The following CAGE1 variants were observed in gnomAD, a reference collection of about 807,000 sequenced individuals.
The protein encoded by CAGE1 is cancer antigen 1.
Under a neutral mutation model 94.9 loss-of-function variants are expected in CAGE1, and 66 were observed. The ratio of observed to expected loss-of-function variants is 0.70; its 90% CI spans 0.57 to 0.85. The LOEUF (loss-of-function observed/expected upper bound fraction) is 0.85, where lower values mean the gene tolerates loss of function less well. Ranked by LOEUF, CAGE1 falls within the 40% of genes least tolerant of loss-of-function variation. The pLI is 0.00. For synonymous variants in CAGE1, 319 were observed against 321.0 expected (o/e 0.99, Z 0.07); for missense variants, 865 against 950.4 (o/e 0.91, Z 1.18).
chr6:7,345,472 GAC>G (rs1759443453), intron 11 of CAGE1, among the ~76,000 whole-genome samples: 11 of 152,288 alleles, frequency 7.2e-5, no homozygotes, highest in Admixed American at 7.2e-4. Flanking sequence ...CCCAAGTCCA[GAC>G]ACAAAATGGC....
In CAGE1 at chr6:7,385,803, G is replaced by A. The variant is rs1162767904; in HGVS notation, c.265C>T (p.Leu89=). The change falls in exon 3 of 14, where the codon CTA becomes TTA. Residue 89 remains leucine, a synonymous_variant. Transcript: ENST00000502583. The part of the protein sequence containing the change: ...STLCEDAYGT[L]DNLLNDNNIE... ...TACTTACCATTTAACAAATTGTCTA[G>A]TGTGCCATAAGCATCTTCACAAAGT... The A allele has an allele frequency of 3.2e-6, 5 of 1,539,730 alleles. No individual in the cohort carries two copies. Among genetic ancestry groups the A allele is most frequent in the Non-Finnish European group, 4.4e-6 (5 of 1,141,848 alleles).
At chr6:7,351,582 A>G (rs1341501800) in intron 11 of CAGE1, among the ~76,000 whole-genome samples, 1 of 150,716 alleles carries the variant, frequency 6.6e-6, no homozygotes, top group African/African-American at 2.4e-5. Context: ...AGAAAAAAAA[A>G]AAAAACTACA....
In CAGE1 at chr6:7,374,142, T is replaced by C. The variant is rs1375633658; in HGVS notation, c.688-11A>G. The C allele has an allele frequency of 5.6e-6, 9 of 1,596,402 alleles. No homozygotes were observed. Among genetic ancestry groups the C allele is most frequent in the African/African-American group, 2.7e-5 (2 of 74,492 alleles). On this transcript the variant is annotated splice_polypyrimidine_tract_variant and intron_variant, in intron 4 of 13. Transcript: ENST00000502583. ...TGAAGGAACTGCAGTCTGTAAATTATAGTAAACAAAGTAAGTGTGAACGAG... is the reference window on the plus strand; with the variant it reads ...TGAAGGAACTGCAGTCTGTAAATTACAGTAAACAAAGTAAGTGTGAACGAG...
At chr6:7,369,871 G>C (rs1760481383) in intron 6 of CAGE1, 48 bp downstream of exon 6, 1 of 1,522,360 alleles carries the variant, frequency 6.6e-7, no homozygotes, top group Admixed American at 2.1e-5. Flanking sequence ...TCCAACCCCA[G>C]TATTTATTCC....
intron 3 of CAGE1, among the ~76,000 whole-genome samples, chr6:7,382,146 C>G (rs1760956996): frequency 6.6e-6 from 1 of 151,992 alleles, no homozygotes; most frequent in African/African-American, 2.4e-5. Context: ...CCATTATGTG[C>G]CTTTTTCTAA....
chr6:7,356,331 G>A (rs1409469072), intron 9 of CAGE1, among the ~76,000 whole-genome samples: 1 of 152,158 alleles, frequency 6.6e-6, no homozygotes, highest in Non-Finnish European at 1.5e-5. Context: ...AAATTATAAT[G>A]GGGTTTTACC....
intron 11 of CAGE1, among the ~76,000 whole-genome samples, chr6:7,352,046 G>A (rs1381150681): frequency 3.3e-5 from 5 of 152,026 alleles, no homozygotes; most frequent in Non-Finnish European, 7.4e-5. Context: ...AGTCAGACAA[G>A]AGAAATAAAT....
chr6:7,365,142 T>G (rs1353333183), intron 9 of CAGE1, among the ~76,000 whole-genome samples: 1 of 152,246 alleles, frequency 6.6e-6, no homozygotes, highest in African/African-American at 2.4e-5. Context: ...CCATGGCTGT[T>G]GTACACAGCT....
intron 11 of CAGE1, chr6:7,342,074 A>G: frequency 2.2e-6 from 2 of 923,366 alleles, no homozygotes; most frequent in Non-Finnish European, 3.6e-6. Flanking sequence ...CTCGACTAAT[A>G]GAAGACAGAG....
intron 12 of CAGE1, among the ~76,000 whole-genome samples, chr6:7,330,363 G>A (rs1438249752): frequency 6.6e-6 from 1 of 151,998 alleles, no homozygotes; most frequent in Non-Finnish European, 1.5e-5. Flanking sequence ...CTGCAGCCTG[G>A]GTAGCAGAGT....
chr6:7,374,549 TA>T (rs1760670056), intron 4 of CAGE1, among the ~76,000 whole-genome samples: 1 of 151,900 alleles, frequency 6.6e-6, no homozygotes. Flanking sequence ...TTTTTTTTTT[TA>T]CATGTTATTA....
At chr6:7,340,643 G>T (rs537991258) in intron 11 of CAGE1, among the ~76,000 whole-genome samples, 2 of 152,260 alleles carry the variant, frequency 1.3e-5, no homozygotes, top group South Asian at 2.1e-4. Context: ...CTTAAGGAGG[G>T]TGATGACTGG....
rs144024018 is a variant in CAGE1, at chr6:7,359,879, G to C, written c.2194-3750C>G. Among the ~76,000 whole-genome samples the C allele has an allele frequency of 9.2e-5, 14 of 152,296 alleles. No homozygotes were observed. The East Asian group carries it at 2.7e-3, about 29-fold the overall frequency. On this transcript the variant is annotated intron_variant, in intron 9 of 13. Transcript: ENST00000502583. Reference sequence around the variant, plus strand: ...GCTGCAACAAATTACCACAAACTTAGTGGCTTCACACAACACAAAGTGATT... The same window carrying C: ...GCTGCAACAAATTACCACAAACTTACTGGCTTCACACAACACAAAGTGATT...
chr6:7,389,730 T>A lies in CAGE1; in HGVS notation c.-552A>T, dbSNP rs1456425922. The A allele has an allele frequency of 3.6e-6, 2 of 559,468 alleles. No individual in the cohort carries two copies. Among genetic ancestry groups the A allele is most frequent in the Admixed American group, 3.2e-5 (1 of 31,714 alleles). The allele number at this position is 559,468 out of a possible 1,614,324, so 34.7% of individuals were successfully genotyped here. A position where few individuals can be genotyped will look rare whatever the true frequency, so the allele number is the denominator to read the frequency against. On this transcript the variant is annotated 5_prime_UTR_variant, in exon 1 of 14. An upstream start codon of the reference 5' UTR is lost. Coordinates refer to ENST00000502583, the MANE Select transcript of CAGE1 (RefSeq NM_001170692.2). ...ATCCACAGCCCTATACAGCGCGCCA[T>A]CCAGAGAGCTCCGGACTCCCAGCTC...
At chr6:7,345,389 G>GC (rs1242255016) in intron 11 of CAGE1, among the ~76,000 whole-genome samples, 1 of 152,150 alleles carries the variant, frequency 6.6e-6, no homozygotes, top group Non-Finnish European at 1.5e-5. Context: ...ACAAACGCCA[G>GC]ATGTGCCATC....
chr6:7,333,609 T>G (rs1758829315), intron 12 of CAGE1, among the ~76,000 whole-genome samples: 1 of 149,118 alleles, frequency 6.7e-6, no homozygotes, highest in South Asian at 2.1e-4. Flanking sequence ...GAGTTTTTTT[T>G]TTTAAGTATT....
At chr6:7,367,268 T>C (rs1380643372) in intron 7 of CAGE1, among the ~76,000 whole-genome samples, 1 of 136,902 alleles carries the variant, frequency 7.3e-6, no homozygotes. Context: ...CTGAAAGAAA[T>C]ATTTGGGGGA....
At chr6:7,343,708 C>A (rs1759285694) in intron 11 of CAGE1, among the ~76,000 whole-genome samples, 1 of 152,022 alleles carries the variant, frequency 6.6e-6, no homozygotes, top group African/African-American at 2.4e-5. Context: ...TCAAAAACTA[C>A]AGATTATGAT....
rs1348933875 is a variant in CAGE1 at position 7,339,731 on chromosome 6, T to C, written c.2370-5641A>G. ...TGGTCTCCAATTCCATCTAAGTTGC[T>C]GTGAATGCCATTATTTCATTCCTTT... On this transcript the variant is annotated intron_variant, in intron 11 of 13. Coordinates refer to ENST00000502583, the MANE Select transcript of CAGE1 (RefSeq NM_001170692.2). This position sits in a 1 kb window ranked among gnomAD's most constrained non-coding sequence, Gnocchi z 4.7. Among the ~76,000 whole-genome samples the C allele has an allele frequency of 6.6e-6, 1 of 152,258 alleles. No homozygotes were observed. Among genetic ancestry groups the C allele is most frequent in the African/African-American group, 2.4e-5 (1 of 41,472 alleles).
Sources: gnomAD v4.1 joint callset for allele counts (sites outside exome capture counted in the v4.1 genomes callset) on GRCh38, gnomAD v4.1.1 for gene constraint, Gnocchi (gnomAD v3.1) non-coding constraint, MANE v1.5 for transcripts, NCBI Gene and HGNC (gene_info 2026-07-23, HGNC 2026-07-21) for gene names.